Variants in CCNY observed in about 807,000 individuals in gnomAD.
CCNY encodes cyclin Y.
CCNY carries 19 observed loss-of-function variants against 42.8 expected under a neutral mutation model. That is an observed-to-expected ratio of 0.44 (90% CI 0.31 to 0.65). The LOEUF is 0.65. CCNY is among the 30% of genes least tolerant of loss of function. The pLI is 0.07. For synonymous variants in CCNY, 165 were observed against 162.7 expected (o/e 1.01, Z -0.11); for missense variants, 370 against 437.3 (o/e 0.85, Z 1.37).
At chr10:35,458,702 AG>A (rs1839089765) in intron 1 of CCNY, among the ~76,000 whole-genome samples, 1 of 152,218 alleles carries the variant, frequency 6.6e-6, no homozygotes, top group Non-Finnish European at 1.5e-5. Flanking sequence ...GTAGAATGCC[AG>A]GGACATGTGA....
rs182510410 is a variant in CCNY at position 35,444,604 on chromosome 10, C to G, written c.155-38800C>G. Among the ~76,000 whole-genome samples the G allele has an allele frequency of 7.2e-5, 11 of 152,270 alleles. No individual in the cohort carries two copies. The East Asian group carries it at 2.1e-3, about 29-fold the overall frequency. On this transcript the variant is annotated intron_variant, in intron 1 of 9. Transcript: ENST00000374704. Reference sequence around the variant, plus strand: ...GTTTACACCAGCATCATCACAAACACAGGAGTGATGTGTTGCACTACATTA... The same window carrying G: ...GTTTACACCAGCATCATCACAAACAGAGGAGTGATGTGTTGCACTACATTA...
chr10:35,472,059 G>C (rs748820087), intron 1 of CCNY, among the ~76,000 whole-genome samples: 18 of 152,182 alleles, frequency 1.2e-4, no homozygotes, highest in Non-Finnish European at 2.1e-4. Flanking sequence ...TATGTATTGA[G>C]AGTTTTGTTT....
intron 1 of CCNY, among the ~76,000 whole-genome samples, chr10:35,419,440 C>T (rs746983415): frequency 1.6e-4 from 24 of 151,302 alleles, no homozygotes; most frequent in Non-Finnish European, 2.2e-4. Context: ...GGAAGGCTGA[C>T]GGGAGAAAAA....
chr10:35,354,529 C>G (rs1306531798), intron 1 of CCNY, among the ~76,000 whole-genome samples: 2 of 152,122 alleles, frequency 1.3e-5, no homozygotes, highest in African/African-American at 2.4e-5. Flanking sequence ...GACATTTCGT[C>G]ACTGCTATTT....
Position 35,479,766 on chromosome 10 carries a change from A to C in CCNY, c.155-3638A>C, listed in dbSNP as rs572478195. Among the ~76,000 whole-genome samples the C allele has an allele frequency of 3.3e-5, 5 of 150,438 alleles. No individual in the cohort carries two copies. The South Asian group carries it at 8.5e-4, about 26-fold the overall frequency. On this transcript the variant is annotated intron_variant, in intron 1 of 9. Transcript: ENST00000374704. ...TAAAACTTAAAGTATAATAATAATA[A>C]AAAAAAAAGAAAAACATCATAGAGG...
At chr10:35,450,690 ATTT>A (rs1838896451) in intron 1 of CCNY, among the ~76,000 whole-genome samples, 1 of 146,820 alleles carries the variant, frequency 6.8e-6, no homozygotes, top group African/African-American at 2.5e-5. Context: ...TTACCAGGAG[ATTT>A]TTCTTTTTTT....
At chr10:35,413,144 CTT>C (rs1837950235) in intron 1 of CCNY, among the ~76,000 whole-genome samples, 4 of 152,046 alleles carry the variant, frequency 2.6e-5, no homozygotes, top group Non-Finnish European at 5.9e-5. Context: ...TCATGGGACA[CTT>C]GGGAGCTAGA....
intron 1 of CCNY, among the ~76,000 whole-genome samples, chr10:35,247,543 A>C (rs2095708910): frequency 6.6e-6 from 1 of 151,782 alleles, no homozygotes; most frequent in Non-Finnish European, 1.5e-5. Context: ...CTAGGATTGC[A>C]CCACTGCACT....
At chr10:35,404,635 G>A (rs1837717821) in intron 1 of CCNY, among the ~76,000 whole-genome samples, 2 of 152,098 alleles carry the variant, frequency 1.3e-5, no homozygotes, top group Non-Finnish European at 2.9e-5. Flanking sequence ...CCCAAAGCTT[G>A]GCATCCGTGA....
chr10:35,386,730 T>C (rs1413855235), intron 1 of CCNY, among the ~76,000 whole-genome samples: 2 of 152,206 alleles, frequency 1.3e-5, no homozygotes, highest in Non-Finnish European at 2.9e-5. Context: ...ATGAGGCATT[T>C]ACAGTATATT....
chr10:35,507,373 C>T (rs981495806), intron 3 of CCNY, among the ~76,000 whole-genome samples: 14 of 152,130 alleles, frequency 9.2e-5, no homozygotes, highest in Admixed American at 7.9e-4. Flanking sequence ...CTCATCTACC[C>T]TTTAGCCAGA....
intron 1 of CCNY, among the ~76,000 whole-genome samples, chr10:35,350,793 A>G (rs2474518): frequency 0.053 from 8,091 of 152,232 alleles, 314 homozygotes; most frequent in African/African-American, 0.11. Flanking sequence ...GGATTGAGGA[A>G]ATGGCAGCGT....
intron 1 of CCNY, among the ~76,000 whole-genome samples, chr10:35,338,280 A>AT (rs1203517912): frequency 6.6e-6 from 1 of 152,120 alleles, no homozygotes; most frequent in African/African-American, 2.4e-5. Context: ...TAAAGGAAAG[A>AT]TTTTTCTCGT....
upstream of CCNY, among the ~76,000 whole-genome samples, chr10:35,332,690 C>A (rs1379071035): frequency 2.6e-5 from 4 of 152,136 alleles, no homozygotes; most frequent in Non-Finnish European, 5.9e-5. Flanking sequence ...CTGCAACCTC[C>A]ACCTCCCGGG....
chr10:35,461,700 C>T (rs552639428), intron 1 of CCNY, among the ~76,000 whole-genome samples: 21 of 152,176 alleles, frequency 1.4e-4, no homozygotes, highest in Non-Finnish European at 2.4e-4. Context: ...AAAATTTGAA[C>T]CCAAGGTCTC....
intron 8 of CCNY, among the ~76,000 whole-genome samples, chr10:35,557,889 C>T (rs1425779477): frequency 3.9e-5 from 6 of 152,124 alleles, no homozygotes; most frequent in Non-Finnish European, 8.8e-5. Flanking sequence ...TTATTGAAAC[C>T]AGGCTGAGCA....
chr10:35,455,378 C>CCCTG (rs1368617257), intron 1 of CCNY: 1 of 152,174 alleles, frequency 6.6e-6, no homozygotes, highest in Admixed American at 6.5e-5. Context: ...TACTAGAGGG[C>CCCTG]CCTGCCTCCA....
chr10:35,410,121 G>A (rs1050735659), intron 1 of CCNY, among the ~76,000 whole-genome samples: 3 of 152,174 alleles, frequency 2.0e-5, no homozygotes, highest in African/African-American at 7.2e-5. Flanking sequence ...CTGTCACCCA[G>A]GAGGAGGGAG....
At chr10:35,509,429 C>T (rs1345187644) in intron 3 of CCNY, among the ~76,000 whole-genome samples, 1 of 152,066 alleles carries the variant, frequency 6.6e-6, no homozygotes, top group African/African-American at 2.4e-5. Context: ...GCACCTTCCA[C>T]CACGCCCAGC....
Sources: allele counts gnomAD v4.1 joint callset (sites outside exome capture counted in the v4.1 genomes callset), GRCh38; gene constraint gnomAD v4.1.1; transcripts MANE v1.5; gene names NCBI Gene and HGNC (gene_info 2026-07-23, HGNC 2026-07-21).